Variants in PTPRB observed in about 807,000 individuals in gnomAD.
PTPRB encodes the protein receptor-type tyrosine-protein phosphatase beta.
Under a neutral mutation model 238.1 loss-of-function variants are expected in PTPRB, and 97 were observed. That is an observed-to-expected ratio of 0.41 (90% CI 0.35 to 0.48). PTPRB has a LOEUF of 0.48. Ranked by LOEUF, PTPRB falls within the 20% of genes least tolerant of loss-of-function variation. The probability of loss-of-function intolerance (pLI) is 0.30; values close to 1 mark genes in which losing one functional copy is unlikely to be tolerated. For missense variants in PTPRB, 2,292 were observed against 2,681.9 expected (o/e 0.85, Z 3.21); for synonymous variants, 970 against 995.4 (o/e 0.97, Z 0.48).
intron 27 of PTPRB, 194 bp downstream of exon 27, chr12:70,538,730 A>G (rs746456969): frequency 2.5e-5 from 15 of 590,408 alleles, no homozygotes; most frequent in Non-Finnish European, 4.2e-5. Context: ...TTTCATAATC[A>G]GAATTTAAAC....
intron 3 of PTPRB, among the ~76,000 whole-genome samples, chr12:70,620,929 A>G (rs1884901663): frequency 6.6e-6 from 1 of 152,212 alleles, no homozygotes. Flanking sequence ...GAAACCCCCA[A>G]AACCCTGACT....
intron 10 of PTPRB, among the ~76,000 whole-genome samples, chr12:70,580,321 C>T (rs903521410): frequency 1.3e-5 from 2 of 152,150 alleles, no homozygotes; most frequent in African/African-American, 2.4e-5. Flanking sequence ...CACCTCTAAC[C>T]ATATTAATTG....
chr12:70,529,545 A>G (rs986667294), intron 32 of PTPRB, among the ~76,000 whole-genome samples: 6 of 152,202 alleles, frequency 3.9e-5, no homozygotes, highest in African/African-American at 1.4e-4. Flanking sequence ...CATTTAAAAG[A>G]TTAAAAAATA....
chr12:70,619,653 C>T (rs1884840889), intron 3 of PTPRB, among the ~76,000 whole-genome samples: 2 of 152,180 alleles, frequency 1.3e-5, no homozygotes, highest in African/African-American at 4.8e-5. Flanking sequence ...AGAACCTAGA[C>T]TCCCCAGCCT....
At chr12:70,602,855 G>A (rs1341455579) in intron 4 of PTPRB, among the ~76,000 whole-genome samples, 1 of 152,078 alleles carries the variant, frequency 6.6e-6, no homozygotes, top group African/African-American at 2.4e-5. Context: ...TATACTTACT[G>A]TGTTCATTTT....
chr12:70,544,000 C>T (rs1228132292), intron 22 of PTPRB, among the ~76,000 whole-genome samples: 4 of 152,184 alleles, frequency 2.6e-5, no homozygotes, highest in African/African-American at 7.2e-5. Flanking sequence ...TATTATTACT[C>T]AGGCTTTCCC....
rs778193583 is a variant in PTPRB at position 70,622,531 on chromosome 12, T to C, written c.567A>G (p.Thr189=). The part of the protein sequence containing the change: ...DGLVFLIRNT[T]EAFIRNAAEN... ...CTGCAGCATTTCTGATGAAGGCCTC[T>C]GTGGTATTCCTAATAAGGAATACCA... is the stretch of plus-strand genomic sequence containing the variant. The change falls in exon 3 of 34, where the codon ACA becomes ACG. Residue 189 remains threonine, a synonymous_variant. Coordinates refer to ENST00000334414, the MANE Select transcript of PTPRB (RefSeq NM_001109754.4). 1.2e-6 allele frequency: 2 copies of C among 1,612,100 alleles called. No homozygotes were observed. The highest frequency in any genetic ancestry group is 1.7e-5 in the Admixed American group (1 of 59,620).
rs1030825103 is a variant in PTPRB at position 70,520,862 on chromosome 12, G to A, written c.*627C>T. 6.6e-6 allele frequency: 1 copy of A among 152,386 alleles called. No homozygotes were observed. The highest frequency in any genetic ancestry group is 1.5e-5 in the Non-Finnish European group (1 of 68,220). The allele number at this position is 152,386 out of a possible 1,614,324, so 9.4% of individuals were successfully genotyped here. On this transcript the variant is annotated 3_prime_UTR_variant, in exon 34 of 34. Coordinates refer to ENST00000334414, the MANE Select transcript of PTPRB (RefSeq NM_001109754.4). ...ATCCCTGAGCTGACCACTTTGGCTT[G>A]AATCCCTGGAAGGAGAAAGGAGAGA... is the stretch of plus-strand genomic sequence containing the variant.
intron 2 of PTPRB, among the ~76,000 whole-genome samples, chr12:70,626,376 T>C (rs1464324403): frequency 1.4e-5 from 2 of 145,748 alleles, no homozygotes; most frequent in Non-Finnish European, 3.0e-5. Flanking sequence ...TATTCCTGCC[T>C]GCCTGCCTGC....
chr12:70,552,693 C>A, intron 21 of PTPRB, 84 bp downstream of exon 21: 1 of 1,510,952 alleles, frequency 6.6e-7, no homozygotes. Context: ...TCTATGGAAG[C>A]TCGCATGCAT....
At chr12:70,603,072 A>G (rs1883655499) in intron 4 of PTPRB, among the ~76,000 whole-genome samples, 1 of 151,926 alleles carries the variant, frequency 6.6e-6, no homozygotes, top group South Asian at 2.1e-4. Context: ...TTCTGTCCAG[A>G]CAAATTAGAT....
chr12:70,568,483 G>C (rs1010604989), intron 14 of PTPRB, among the ~76,000 whole-genome samples: 1 of 152,082 alleles, frequency 6.6e-6, no homozygotes, highest in East Asian at 1.9e-4. Flanking sequence ...ATTTTTAGTA[G>C]AGACGGGGTT....
intron 22 of PTPRB, among the ~76,000 whole-genome samples, chr12:70,543,321 C>G (rs947479797): frequency 6.6e-6 from 1 of 152,128 alleles, no homozygotes; most frequent in African/African-American, 2.4e-5. Context: ...CTTTTCAAGA[C>G]TCATCAAATC....
chr12:70,529,826 G>A (rs1018151976), intron 32 of PTPRB, among the ~76,000 whole-genome samples: 2 of 152,142 alleles, frequency 1.3e-5, no homozygotes, highest in East Asian at 3.9e-4. Context: ...AGCGCTGAAA[G>A]AGAGACAGAC....
intron 16 of PTPRB, among the ~76,000 whole-genome samples, chr12:70,561,910 T>G (rs1351811238): frequency 6.6e-6 from 1 of 152,224 alleles, no homozygotes; most frequent in East Asian, 1.9e-4. Flanking sequence ...ACCGTCACAT[T>G]ACAGCAGTGG....
rs1471719359 is a variant in PTPRB at position 70,524,418 on chromosome 12, T to C, written c.6625+53A>G. ...GTGTAAGCCTCTATGCCTGGCCAGA[T>C]TGACCATATCTTGATGAAGAAACTT... On this transcript the variant is annotated intron_variant, in intron 33 of 33. Transcript: ENST00000334414. The C allele has an allele frequency of 3.9e-6, 6 of 1,533,000 alleles. No individual in the cohort carries two copies. In the African/African-American group the frequency reaches 6.9e-5, roughly 18 times the overall value. 95.0% of individuals were successfully genotyped at this position (1,533,000 alleles called of 1,614,324 possible).
In PTPRB at chr12:70,569,913, G is replaced by A. The variant is rs1323492134; in HGVS notation, c.3396C>T (p.His1132=). 1.2e-6 allele frequency: 2 copies of A among 1,611,264 alleles called. No individual in the cohort carries two copies. Among genetic ancestry groups the A allele is most frequent in the Non-Finnish European group, 1.7e-6 (2 of 1,177,460 alleles). Residue 1132 remains histidine, a synonymous_variant, in exon 14 of 34, where the codon CAC becomes CAT. Transcript: ENST00000334414. The stretch of plus-strand genomic sequence containing the variant: ...TATCTGTTGCTCCATTGGGAGAAAT[G>A]TGAATATTTTTGACAGCACTAGGAA... ...FTVPSAVKNI[H]ISPNGATDSL... is the part of the protein sequence containing the mutation.
intron 11 of PTPRB, among the ~76,000 whole-genome samples, chr12:70,573,825 T>C (rs1880393837): frequency 6.6e-6 from 1 of 152,170 alleles, no homozygotes; most frequent in Non-Finnish European, 1.5e-5. Context: ...ATTTTGTGCA[T>C]GTGAGGTTCT....
intron 18 of PTPRB, among the ~76,000 whole-genome samples, chr12:70,558,112 T>C (rs550179599): frequency 4.6e-5 from 7 of 152,168 alleles, no homozygotes; most frequent in Non-Finnish European, 8.8e-5. Flanking sequence ...AGTGTTTGCA[T>C]TGTGTTTCCC....
Sources: allele counts gnomAD v4.1 joint callset (sites outside exome capture counted in the v4.1 genomes callset), GRCh38; gene constraint gnomAD v4.1.1; transcripts MANE v1.5; gene names NCBI Gene and HGNC (gene_info 2026-07-23, HGNC 2026-07-21).